Variants in JADE2 observed in about 807,000 individuals in gnomAD.
The protein encoded by JADE2 is E3 ubiquitin-protein ligase Jade-2.
A neutral mutation model predicts 85.7 loss-of-function variants in JADE2; 13 were observed. That is an observed-to-expected ratio of 0.15 (90% CI 0.10 to 0.24). The LOEUF (loss-of-function observed/expected upper bound fraction) is 0.24. Among genes scored for constraint, JADE2 ranks in the 10% least tolerant of loss-of-function variants. JADE2 has a pLI of 1.00. For synonymous variants in JADE2, 440 were observed against 456.1 expected, an observed-to-expected ratio of 0.96 and a Z score of 0.45; for missense variants, 846 against 1,115.9, an observed-to-expected ratio of 0.76 and a Z score of 3.45.
chr5:134,572,029 G>A (rs933797313), intron 9 of JADE2, among the ~76,000 whole-genome samples: 4 of 152,244 alleles, frequency 2.6e-5, no homozygotes, highest in Non-Finnish European at 5.9e-5. Context: ...CCCCAGCGGC[G>A]TTGCTCACTT....
At chr5:134,557,280 AT>A (rs60115543) in intron 4 of JADE2, among the ~76,000 whole-genome samples, 84,815 of 130,172 alleles carry the variant, frequency 0.65, 25,901 homozygotes, top group Non-Finnish European at 0.7. Flanking sequence ...TTTTTTTTTT[AT>A]TTTTTTTTTT....
chr5:134,563,118 G>A (rs543745057), intron 7 of JADE2, among the ~76,000 whole-genome samples: 35 of 152,156 alleles, frequency 2.3e-4, no homozygotes, highest in African/African-American at 8.2e-4. Context: ...AGGAGTTCAA[G>A]ACCAGCCTGG....
In JADE2 at chr5:134,555,770, CA is replaced by C. The variant is rs1436937108; in HGVS notation, c.311+3562del. Among the ~76,000 whole-genome samples, 5 of 152,210 alleles carry C rather than the reference CA, an allele frequency of 3.3e-5. No homozygotes were observed. The South Asian group carries it at 6.2e-4, about 19-fold the overall frequency. On this transcript the variant is annotated intron_variant, in intron 4 of 11. Coordinates refer to ENST00000681547, the MANE Select transcript of JADE2 (RefSeq NM_001388185.1). ...GAATGTGTTTGTTAAGTAACAGTTTCATGGGGAAAGGCAGAATTGTGTTGGA... is the reference window on the plus strand; with the variant it reads ...GAATGTGTTTGTTAAGTAACAGTTTCTGGGGAAAGGCAGAATTGTGTTGGA...
intron 2 of JADE2, 38 bp from the exon 3 acceptor site, chr5:134,537,951 C>A: frequency 6.7e-7 from 1 of 1,488,242 alleles, no homozygotes. Flanking sequence ...GTGCTCCTGG[C>A]CCTCCAGGAC....
Position 134,564,486 on chromosome 5 carries a change from CT to C in JADE2, c.853-7del. ...GAGGAATGATGCAGCCCCCTGTGTC[CT>C]GCCCAGGTCAGCATCGGCTGCCCAG... On this transcript the variant is annotated splice_polypyrimidine_tract_variant and splice_region_variant and intron_variant, in intron 7 of 11. Transcript: ENST00000681547. 6.3e-7 allele frequency: 1 copy of C among 1,577,178 alleles called. No individual in the cohort carries two copies. The highest frequency in any genetic ancestry group is 8.6e-7 in the Non-Finnish European group (1 of 1,160,118).
chr5:134,559,034 C>T (rs573029963), intron 4 of JADE2, among the ~76,000 whole-genome samples: 63 of 152,354 alleles, frequency 4.1e-4, no homozygotes, highest in African/African-American at 1.5e-3. Flanking sequence ...GATCCTGGGA[C>T]TGCAGCAGGC....
Position 134,579,295 on chromosome 5 carries a change from G to A in JADE2, c.2483G>A (p.Arg828His), listed in dbSNP as rs779584510. 58 of 1,608,630 alleles carry A rather than the reference G, an allele frequency of 3.6e-5. No homozygotes were observed. Among genetic ancestry groups the A allele is most frequent in the Middle Eastern group, 1.7e-4 (1 of 5,986 alleles). Residue 828 changes from arginine to histidine, a missense_variant, in exon 12 of 12, where the codon CGC becomes CAC. Coordinates refer to ENST00000681547, the MANE Select transcript of JADE2 (RefSeq NM_001388185.1). This position sits in a 1 kb window ranked among gnomAD's most constrained non-coding sequence, Gnocchi z 4.6. ...GAGGCAGGGGCAGAGGAGGTGGTCC[G>A]CATGGGCGTACTGGCCTCCTAACTC... ...PREAGAEEVV[R>H]MGVLAS
chr5:134,551,378 G>A (rs956094510), intron 3 of JADE2, among the ~76,000 whole-genome samples: 1 of 151,924 alleles, frequency 6.6e-6, no homozygotes. Context: ...CCAGGCATGT[G>A]CGACCACACC....
chr5:134,533,851 A>G (rs1475239171), intron 1 of JADE2, among the ~76,000 whole-genome samples: 1 of 148,128 alleles, frequency 6.8e-6, no homozygotes, highest in Non-Finnish European at 1.5e-5. Flanking sequence ...GACTCAAGCT[A>G]TCCTCTCACC....
intron 4 of JADE2, among the ~76,000 whole-genome samples, chr5:134,559,329 T>C (rs546579097): frequency 9.8e-5 from 15 of 152,300 alleles, no homozygotes; most frequent in African/African-American, 3.6e-4. Context: ...AGACAACCCC[T>C]GCCTTGTCCG....
chr5:134,565,726 G>A (rs1763600027), intron 8 of JADE2, among the ~76,000 whole-genome samples: 1 of 151,960 alleles, frequency 6.6e-6, no homozygotes, highest in African/African-American at 2.4e-5. Flanking sequence ...CTAGCTACTT[G>A]GGAGGCTGAG....
chr5:134,556,914 A>G (rs1230099425), intron 4 of JADE2, among the ~76,000 whole-genome samples: 2 of 136,596 alleles, frequency 1.5e-5, no homozygotes, highest in Admixed American at 1.5e-4. Context: ...CCACATGCAC[A>G]CACACACATC....
intron 9 of JADE2, among the ~76,000 whole-genome samples, chr5:134,567,662 G>A (rs1038177762): frequency 1.3e-5 from 2 of 152,202 alleles, no homozygotes; most frequent in African/African-American, 4.8e-5. Flanking sequence ...AGTGGGCAAG[G>A]CTGTAAAATG....
Position 134,559,921 on chromosome 5 carries a change from A to G in JADE2, c.403A>G (p.Ser135Gly). 1 of 1,614,052 alleles carries G rather than the reference A, an allele frequency of 6.2e-7. No homozygotes were observed. Among genetic ancestry groups the G allele is most frequent in the East Asian group, 2.2e-5 (1 of 44,870 alleles). ...CTCCCAGCCTGATTGGCCAGGGGGC[A>G]GCCGCTATGACTTGGACGAGATTGA... ...EGSQPDWPGG[S>G]RYDLDEIDAY... Residue 135 changes from serine (S) to glycine (G), a missense_variant, in exon 5 of 12, where the codon AGC (serine) becomes GGC (glycine). Ser to Gly is a moderately conservative substitution (Grantham distance 56). Around this residue, in one of 9 missense-constraint regions of JADE2, gnomAD observed 78 missense variants for 64.9 expected, o/e 1.20. Transcript: ENST00000681547.
At position 134,579,611 on chromosome 5, in the gene JADE2, A is replaced by T. The variant is rs1341922506; in HGVS notation, c.*294A>T. On this transcript the variant is annotated 3_prime_UTR_variant, in exon 12 of 12. Coordinates refer to ENST00000681547, the MANE Select transcript of JADE2 (RefSeq NM_001388185.1). The surrounding 1 kb of genome is among the most constrained non-coding windows in gnomAD (Gnocchi z 4.6). ...ATTGCTGGGCTCCTGGCTAGATGCA[A>T]GCAAGGTGGACAAGAGCTCAGGACT... is the stretch of plus-strand genomic sequence containing the variant. 2.7e-6 allele frequency: 1 copy of T among 372,280 alleles called. No homozygotes were observed. The highest frequency in any genetic ancestry group is 4.3e-5 in the East Asian group (1 of 23,478). The allele number at this position is 372,280 out of a possible 1,614,324, so 23.1% of individuals were successfully genotyped here.
At chr5:134,539,985 A>G (rs900655190) in intron 3 of JADE2, among the ~76,000 whole-genome samples, 1 of 152,024 alleles carries the variant, frequency 6.6e-6, no homozygotes, top group Non-Finnish European at 1.5e-5. Flanking sequence ...TGGGTAGGGT[A>G]TAGACAGTGT....
In JADE2 at chr5:134,578,853, A is replaced by T; in HGVS notation, c.2041A>T (p.Lys681Ter). 6.2e-7 allele frequency: 1 copy of T among 1,613,726 alleles called. No individual in the cohort carries two copies. ...KTWGQDAGSGKGGQGPPTRKP... is the reference protein window; with the variant it reads ...KTWGQDAGSG ...CTGGGGCCAGGATGCAGGCAGTGGC[A>T]AGGGGGGTCAAGGGCCACCTACCAG... Residue 681 changes from lysine to a stop codon, truncating the protein, a stop_gained, in exon 12 of 12, where the codon AAG becomes TAG. Transcript: ENST00000681547. LOFTEE classifies it high-confidence loss of function. This position sits in a 1 kb window ranked among gnomAD's most constrained non-coding sequence, Gnocchi z 4.4.
Position 134,579,305 on chromosome 5 carries a change from A to G in JADE2, c.2493A>G (p.Val831=), listed in dbSNP as rs1487189471. 1 of 1,602,710 alleles carries G rather than the reference A, an allele frequency of 6.2e-7. No individual in the cohort carries two copies. ...CAGAGGAGGTGGTCCGCATGGGCGTACTGGCCTCCTAACTCACCCCCTTCC... is the reference window on the plus strand; with the variant it reads ...CAGAGGAGGTGGTCCGCATGGGCGTGCTGGCCTCCTAACTCACCCCCTTCC... ...AGAEEVVRMG[V]LAS is the part of the protein sequence containing the mutation. The change falls in exon 12 of 12, where the codon GTA becomes GTG. Residue 831 remains valine (V), a synonymous_variant. Transcript: ENST00000681547. The surrounding 1 kb of genome is among the most constrained non-coding windows in gnomAD (Gnocchi z 4.6).
chr5:134,560,020 C>T, intron 5 of JADE2, 30 bp downstream of exon 5: 2 of 1,612,222 alleles, frequency 1.2e-6, no homozygotes, highest in Non-Finnish European at 1.7e-6. Context: ...AGAATGGGAT[C>T]ACGGCTGGGC....
Sources: gnomAD v4.1 joint callset for allele counts (sites outside exome capture counted in the v4.1 genomes callset) on GRCh38, gnomAD v4.1.1 for gene constraint, gnomAD v4.1.1 regional missense constraint, Gnocchi (gnomAD v3.1) non-coding constraint, MANE v1.5 for transcripts, NCBI Gene and HGNC (gene_info 2026-07-23, HGNC 2026-07-21) for gene names.